Variants in SKAP1 observed in about 807,000 individuals in gnomAD.
SKAP1 encodes src kinase associated phosphoprotein 1, also known as src kinase-associated phosphoprotein 1.
SKAP1 carries 44 observed loss-of-function variants against 58.5 expected under a neutral mutation model. The ratio of observed to expected loss-of-function variants is 0.75; its 90% CI spans 0.59 to 0.97. SKAP1 has a LOEUF of 0.97. Ranked by LOEUF, SKAP1 falls within the 50% of genes least tolerant of loss-of-function variation. SKAP1 has a pLI of 0.00. For missense variants in SKAP1, 390 were observed against 435.2 expected (o/e 0.90, Z 0.92); for synonymous variants, 127 against 149.7 (o/e 0.85, Z 1.11).
intron 4 of SKAP1, 43 bp from the exon 5 acceptor site, chr17:48,189,543 A>G (rs2064508510): frequency 1.3e-6 from 2 of 1,490,658 alleles, no homozygotes; most frequent in Non-Finnish European, 9.3e-7. Context: ...AACCTGGCAA[A>G]ATTTTCATTT....
intron 2 of SKAP1, among the ~76,000 whole-genome samples, chr17:48,393,071 T>C (rs2067370542): frequency 6.6e-6 from 1 of 152,096 alleles, no homozygotes; most frequent in East Asian, 1.9e-4. Context: ...GTGACCATCG[T>C]AATAAAGCAG....
At chr17:48,387,207 C>A (rs1420382814) in intron 2 of SKAP1, among the ~76,000 whole-genome samples, 4 of 152,180 alleles carry the variant, frequency 2.6e-5, no homozygotes, top group African/African-American at 7.2e-5. Flanking sequence ...ATAATCTTCA[C>A]ACAATTCTTT....
At chr17:48,252,337 T>C (rs1274065450) in intron 4 of SKAP1, among the ~76,000 whole-genome samples, 1 of 152,146 alleles carries the variant, frequency 6.6e-6, no homozygotes, top group African/African-American at 2.4e-5. Context: ...GTTTTCTCAC[T>C]CAGTAGCACT....
intron 4 of SKAP1, among the ~76,000 whole-genome samples, chr17:48,196,381 A>G (rs941842802): frequency 6.6e-6 from 1 of 152,180 alleles, no homozygotes; most frequent in African/African-American, 2.4e-5. Flanking sequence ...GAGTAAAATG[A>G]GCAGGTTTTA....
chr17:48,169,027 G>C (rs2064176610), intron 10 of SKAP1, among the ~76,000 whole-genome samples: 1 of 152,066 alleles, frequency 6.6e-6, no homozygotes, highest in African/African-American at 2.4e-5. Context: ...CTGGTGGGAA[G>C]TGTAAACCAT....
chr17:48,334,696 AATT>A (rs1396525821), intron 4 of SKAP1, among the ~76,000 whole-genome samples: 5 of 152,046 alleles, frequency 3.3e-5, no homozygotes, highest in Non-Finnish European at 5.9e-5. Flanking sequence ...TGTTATATCA[AATT>A]ATTATTTTTT....
chr17:48,422,776 A>G (rs1175799819), intron 1 of SKAP1, among the ~76,000 whole-genome samples: 1 of 152,244 alleles, frequency 6.6e-6, no homozygotes, highest in Admixed American at 6.5e-5. Flanking sequence ...GCAACATCCA[A>G]AAAGTCATTA....
chr17:48,185,780 CTA>C (rs996551380), intron 6 of SKAP1, among the ~76,000 whole-genome samples: 15 of 152,206 alleles, frequency 9.9e-5, no homozygotes, highest in Non-Finnish European at 2.1e-4. Context: ...TACACAAACA[CTA>C]TTCTTACTAA....
Position 48,409,363 on chromosome 17 carries a change from C to T in SKAP1, c.47-12578G>A, listed in dbSNP as rs75028717. ...CACCTCCATACCCTGGAATATTATT[C>T]AGCATTAAAAAGAACTCTCAGCTGG... is the stretch of plus-strand genomic sequence containing the variant. On this transcript the variant is annotated intron_variant, in intron 1 of 12. Coordinates refer to ENST00000336915, the MANE Select transcript of SKAP1 (RefSeq NM_003726.4). Among the ~76,000 whole-genome samples the T allele has an allele frequency of 4.7e-3, 711 of 152,178 alleles. 4 individuals are homozygous for T. Among genetic ancestry groups the T allele is most frequent in the African/African-American group, 0.016 (663 of 41,536 alleles).
chr17:48,148,742 G>A (rs2063863296), intron 11 of SKAP1, among the ~76,000 whole-genome samples: 1 of 152,110 alleles, frequency 6.6e-6, no homozygotes, highest in African/African-American at 2.4e-5. Context: ...ATGGGGAGGG[G>A]GTGTTGGGGG....
In SKAP1 at chr17:48,187,823, T is replaced by G; in HGVS notation, c.442+20A>C. ...TGCATCCAGGAGTGAGATGCTGCTG[T>G]GTAAATGAAGAACACTTACTCTTCT... On this transcript the variant is annotated intron_variant, in intron 6 of 12. Coordinates refer to ENST00000336915, the MANE Select transcript of SKAP1 (RefSeq NM_003726.4). 1.9e-6 allele frequency: 3 copies of G among 1,553,362 alleles called. No individual in the cohort carries two copies. The highest frequency in any genetic ancestry group is 2.7e-6 in the Non-Finnish European group (3 of 1,125,300).
intron 2 of SKAP1, among the ~76,000 whole-genome samples, chr17:48,389,067 T>C (rs2067313409): frequency 6.6e-6 from 1 of 152,246 alleles, no homozygotes; most frequent in South Asian, 2.1e-4. Flanking sequence ...CATTTAATTA[T>C]AACATATCTT....
intron 4 of SKAP1, among the ~76,000 whole-genome samples, chr17:48,299,649 T>G (rs751099974): frequency 1.3e-5 from 2 of 152,216 alleles, no homozygotes; most frequent in Admixed American, 6.5e-5. Flanking sequence ...ATTTATTGAA[T>G]GTCTAATATG....
intron 4 of SKAP1, among the ~76,000 whole-genome samples, chr17:48,230,362 C>T (rs1466777693): frequency 6.6e-6 from 1 of 152,168 alleles, no homozygotes; most frequent in Non-Finnish European, 1.5e-5. Flanking sequence ...TCAAAGGTGT[C>T]TTTCTGCAGA....
At chr17:48,328,844 G>A (rs1305921053) in intron 4 of SKAP1, among the ~76,000 whole-genome samples, 4 of 151,634 alleles carry the variant, frequency 2.6e-5, no homozygotes, top group African/African-American at 4.9e-5. Flanking sequence ...ACTTTCCCTC[G>A]CCCACCAAAC....
chr17:48,336,680 G>A (rs1303946393), intron 4 of SKAP1, among the ~76,000 whole-genome samples: 18 of 105,784 alleles, frequency 1.7e-4, no homozygotes, highest in Admixed American at 1.2e-3. Flanking sequence ...GACCCAAAGC[G>A]TAATCACTAT....
At chr17:48,195,704 G>A (rs1048032505) in intron 4 of SKAP1, among the ~76,000 whole-genome samples, 4 of 152,188 alleles carry the variant, frequency 2.6e-5, no homozygotes, top group African/African-American at 9.6e-5. Context: ...AGCAACAGGA[G>A]CTAGACTAAA....
chr17:48,240,800 A>T lies in SKAP1; in HGVS notation c.281-51300T>A, dbSNP rs76489007. Among the ~76,000 whole-genome samples the T allele has an allele frequency of 8.2e-3, 1,246 of 152,172 alleles. 3 individuals carry two copies. Among genetic ancestry groups the T allele is most frequent in the Middle Eastern group, 0.017 (5 of 294 alleles). On this transcript the variant is annotated intron_variant, in intron 4 of 12. Coordinates refer to ENST00000336915, the MANE Select transcript of SKAP1 (RefSeq NM_003726.4). Reference sequence around the variant, plus strand: ...AAACCTGAAAGTGCTGCCTGTTCCCACTCGTTCACAATCCAGATTACCTAG... The same window carrying T: ...AAACCTGAAAGTGCTGCCTGTTCCCTCTCGTTCACAATCCAGATTACCTAG...
intron 4 of SKAP1, among the ~76,000 whole-genome samples, chr17:48,209,460 C>T (rs2143663270): frequency 6.6e-6 from 1 of 152,126 alleles, no homozygotes; most frequent in South Asian, 2.1e-4. Flanking sequence ...TCTTAATTAC[C>T]CCAGGTTTGT....
Sources: allele counts gnomAD v4.1 joint callset (sites outside exome capture counted in the v4.1 genomes callset), GRCh38; gene constraint gnomAD v4.1.1; transcripts MANE v1.5; gene names NCBI Gene and HGNC (gene_info 2026-07-23, HGNC 2026-07-21).